The following GBP3 variants were observed in gnomAD, a reference collection of about 807,000 sequenced individuals.
GBP3 encodes guanylate binding protein 3.
Under a neutral mutation model 62.4 loss-of-function variants are expected in GBP3, and 55 were observed. That is an observed-to-expected ratio of 0.88 (90% CI 0.71 to 1.10). The LOEUF (loss-of-function observed/expected upper bound fraction) is 1.10. Ranked by LOEUF, GBP3 falls within the 50% of genes least tolerant of loss-of-function variation. The pLI is 0.00. For synonymous variants in GBP3, 208 were observed against 259.2 expected (o/e 0.80, Z 1.90); for missense variants, 605 against 690.6 (o/e 0.88, Z 1.39).
At chr1:89,020,292 G>A in intron 2 of GBP3, 1 of 570,454 alleles carries the variant, frequency 1.8e-6, no homozygotes, top group East Asian at 3.1e-5. Flanking sequence ...TGAGGAGAAA[G>A]AGTAGAACAA....
intron 3 of GBP3, among the ~76,000 whole-genome samples, chr1:89,014,981 T>G (rs530499007): frequency 9.2e-5 from 14 of 152,352 alleles, no homozygotes; most frequent in African/African-American, 3.1e-4. Context: ...AATTATAAGT[T>G]CTTTGCAGGA....
intron 4 of GBP3, 75 bp from the exon 5 acceptor site, chr1:89,014,354 C>T (rs1329316761): frequency 6.2e-6 from 10 of 1,608,244 alleles, no homozygotes; most frequent in African/African-American, 1.3e-5. Context: ...CATTCCCAAA[C>T]CTTCCATTTT....
In GBP3 at chr1:89,013,259, G is replaced by T. The variant is rs747981376; in HGVS notation, c.794C>A (p.Ala265Glu). The T allele has an allele frequency of 2.5e-6, 4 of 1,614,058 alleles. No homozygotes were observed. The African/African-American group carries it at 5.3e-5, about 22-fold the overall frequency. ...GCTAAAGATGTAGGAACAGAAGTCT[G>T]CTACTTGTTGCACAAATTCAGGGTC... The part of the protein sequence containing the change: ...ELDPEFVQQV[A>E]DFCSYIFSNS... The change falls in exon 6 of 11, where the codon GCA (alanine) becomes GAA (glutamate). Residue 265 changes from alanine (A) to glutamate (E), a missense_variant. By Grantham distance (107) the Ala-to-Glu change is moderately radical. Coordinates refer to ENST00000370481, the MANE Select transcript of GBP3 (RefSeq NM_018284.3).
At chr1:89,010,786 A>G in intron 8 of GBP3, 118 bp downstream of exon 8, 1 of 1,275,672 alleles carries the variant, frequency 7.8e-7, no homozygotes, top group Non-Finnish European at 1.1e-6. Context: ...TATTGAATGA[A>G]AGCATGAATG....
In GBP3 at chr1:89,006,800, G is replaced by T. The variant is rs954238119; in HGVS notation, c.*924C>A. On this transcript the variant is annotated 3_prime_UTR_variant, in exon 11 of 11. Coordinates refer to ENST00000370481, the MANE Select transcript of GBP3 (RefSeq NM_018284.3). ...TGAAGTCTACATATACTAAGTAATG[G>T]CAAGACAATTATTTTATTGCTCAAA... 1 of 152,134 alleles carries T rather than the reference G, an allele frequency of 6.6e-6. No individual in the cohort carries two copies. Among genetic ancestry groups the T allele is most frequent in the Non-Finnish European group, 1.5e-5 (1 of 68,024 alleles). 9.4% of individuals were successfully genotyped at this position (152,134 alleles called of 1,614,324 possible). A position where few individuals can be genotyped will look rare whatever the true frequency, so the allele number is the denominator to read the frequency against.
intron 2 of GBP3, among the ~76,000 whole-genome samples, chr1:89,018,927 G>A (rs975031318): frequency 3.9e-4 from 60 of 152,230 alleles, no homozygotes; most frequent in Non-Finnish European, 1.6e-4. Flanking sequence ...GAGCCCCGTT[G>A]CATTGCAGGC....
chr1:89,010,754 C>A, intron 8 of GBP3, 150 bp downstream of exon 8: 1 of 1,044,524 alleles, frequency 9.6e-7, no homozygotes, highest in South Asian at 1.4e-5. Flanking sequence ...CCTGATATAA[C>A]AGTCTCCCTC....
rs529612867 is a variant in GBP3, at chr1:89,011,863, C to T, written c.1033G>A (p.Ala345Thr). Residue 345 changes from alanine (A) to threonine (T), a missense_variant, in exon 7 of 11, where the codon GCA (alanine) becomes ACA (threonine). Coordinates refer to ENST00000370481, the MANE Select transcript of GBP3 (RefSeq NM_018284.3). ...QQMGQKVQLP[A>T]ETLQELLDLH... ...TCCAGCAGCTCCTGGAGGGTTTCTG[C>T]GGGCAGCTGCACCTTCTGGCCCATC... 1.9e-5 allele frequency: 28 copies of T among 1,462,108 alleles called. 9 individuals are homozygous for T. Among genetic ancestry groups the T allele is most frequent in the East Asian group, 6.9e-5 (3 of 43,204 alleles). The allele number at this position is 1,462,108 out of a possible 1,614,324, so 90.6% of individuals were successfully genotyped here. A position where few individuals can be genotyped will look rare whatever the true frequency, so the allele number is the denominator to read the frequency against.
chr1:89,012,568 C>T (rs1464077551), intron 6 of GBP3, among the ~76,000 whole-genome samples: 1 of 138,786 alleles, frequency 7.2e-6, no homozygotes, highest in East Asian at 2.1e-4. Flanking sequence ...GAAATATAGC[C>T]ATGTGAATTG....
intron 8 of GBP3, among the ~76,000 whole-genome samples, chr1:89,009,708 G>C (rs1408367686): frequency 2.6e-5 from 4 of 152,178 alleles, no homozygotes; most frequent in African/African-American, 9.7e-5. Flanking sequence ...GGATGATACA[G>C]ATACTGGGAA....
At position 89,013,199 on chromosome 1, in the gene GBP3, T is replaced by C; in HGVS notation, c.854A>G (p.Lys285Arg). ...AGGGGACTTACGAGGCCCATTGACC[T>C]TGATGCCTCCTGAAAGAGTTTTAGT... Reference protein sequence around the residue: ...SKTKTLSGGIKVNGPRLESLV... With the variant: ...SKTKTLSGGIRVNGPRLESLV... Residue 285 changes from lysine to arginine, a missense_variant, in exon 6 of 11, where the codon AAG (lysine) becomes AGG (arginine). Coordinates refer to ENST00000370481, the MANE Select transcript of GBP3 (RefSeq NM_018284.3). The C allele has an allele frequency of 1.2e-6, 2 of 1,613,962 alleles. No homozygotes were observed. Among genetic ancestry groups the C allele is most frequent in the Non-Finnish European group, 1.7e-6 (2 of 1,179,850 alleles).
At position 89,020,551 on chromosome 1, in the gene GBP3, C is replaced by T. The variant is rs1679129855; in HGVS notation, c.171G>A (p.Lys57=). 6.2e-7 allele frequency: 1 copy of T among 1,614,028 alleles called. No homozygotes were observed. The highest frequency in any genetic ancestry group is 1.7e-5 in the Admixed American group (1 of 59,988). ...ACTCACCCTTATTCTTCCCAGCTAG[C>T]TTGTTCATCAGGTAGGATTTTCCTG... The part of the protein sequence containing the change: ...YRTGKSYLMN[K]LAGKNKGFSL... The change falls in exon 2 of 11, where the codon AAG becomes AAA. Residue 57 remains lysine, a synonymous_variant. Transcript: ENST00000370481.
intron 3 of GBP3, 80 bp downstream of exon 3, chr1:89,015,204 CTCT>C: frequency 1.5e-6 from 2 of 1,366,774 alleles, no homozygotes. Context: ...TAAATGCAAA[CTCT>C]TCTTTAAGAA....
chr1:89,007,893 A>T lies in GBP3; in HGVS notation c.1660-41T>A, dbSNP rs368475568. 41 of 1,578,398 alleles carry T rather than the reference A, an allele frequency of 2.6e-5. No individual in the cohort carries two copies. The African/African-American group carries it at 5.1e-4, about 19-fold the overall frequency. ...TGGAGGCTAAATAAGTGTAGCATTAAGTAAATCTCTGTAAGCTATCTAGTT... is the reference window on the plus strand; with the variant it reads ...TGGAGGCTAAATAAGTGTAGCATTATGTAAATCTCTGTAAGCTATCTAGTT... On this transcript the variant is annotated intron_variant, in intron 10 of 10. Transcript: ENST00000370481.
At chr1:89,017,233 T>C (rs1678932204) in intron 2 of GBP3, among the ~76,000 whole-genome samples, 1 of 151,400 alleles carries the variant, frequency 6.6e-6, no homozygotes, top group Non-Finnish European at 1.5e-5. Flanking sequence ...ATTTTCAACA[T>C]GGATGCTAAA....
At position 89,009,440 on chromosome 1, in the gene GBP3, T is replaced by C. The variant is rs369886499; in HGVS notation, c.1417A>G (p.Ile473Val). ...LKSKESVTDAILQTDQILTEK... is the reference protein window; with the variant it reads ...LKSKESVTDAVLQTDQILTEK... ...GTGAGAATCTGGTCTGTCTGTAGAATTGCATCGGTCACAGACTCCTTGGAT... is the reference window on the plus strand; with the variant it reads ...GTGAGAATCTGGTCTGTCTGTAGAACTGCATCGGTCACAGACTCCTTGGAT... The change falls in exon 9 of 11, where the codon ATT becomes GTT. Residue 473 changes from isoleucine (I) to valine (V), a missense_variant. By Grantham distance (29) the Ile-to-Val change is conservative (BLOSUM62 3). This residue lies in a region of GBP3 where 160 missense variants were observed against 147.8 expected (regional missense o/e 1.08). Coordinates refer to ENST00000370481, the MANE Select transcript of GBP3 (RefSeq NM_018284.3). 1.2e-4 allele frequency: 190 copies of C among 1,614,078 alleles called. No homozygotes were observed. The highest frequency in any genetic ancestry group is 1.6e-4 in the Middle Eastern group (1 of 6,084).
intron 2 of GBP3, chr1:89,020,199 A>T (rs1679102477): frequency 2.4e-6 from 1 of 418,154 alleles, no homozygotes; most frequent in Non-Finnish European, 4.7e-6. Flanking sequence ...AGATCTTGCC[A>T]CTGTACTCCA....
intron 3 of GBP3, 126 bp downstream of exon 3, chr1:89,015,156 TATGAC>T: frequency 1.1e-6 from 1 of 919,154 alleles, no homozygotes; most frequent in Non-Finnish European, 1.6e-6. Flanking sequence ...AGTTTGGCCT[TATGAC>T]ATGTACACAG....
chr1:89,007,212 T>C lies in GBP3; in HGVS notation c.*512A>G, dbSNP rs1459748969. 3 of 152,242 alleles carry C rather than the reference T, an allele frequency of 2.0e-5. No individual in the cohort carries two copies. The highest frequency in any genetic ancestry group is 4.8e-5 in the African/African-American group (2 of 41,462). 9.4% of individuals were successfully genotyped at this position (152,242 alleles called of 1,614,324 possible). On this transcript the variant is annotated 3_prime_UTR_variant, in exon 11 of 11. Transcript: ENST00000370481. ...TTACCTTCCTATGGAAAATATAAGA[T>C]TCTAGATCTCTGTATAAGATGGTTT...
Sources: allele counts gnomAD v4.1 joint callset (sites outside exome capture counted in the v4.1 genomes callset), GRCh38; gene constraint gnomAD v4.1.1; regional missense constraint gnomAD v4.1.1; transcripts MANE v1.5; gene names NCBI Gene and HGNC (gene_info 2026-07-23, HGNC 2026-07-21).